Variants in CCDC88C observed in about 807,000 individuals in gnomAD.
CCDC88C encodes the protein protein Daple.
CCDC88C carries 131 observed loss-of-function variants against 198.8 expected under a neutral mutation model. That is an observed-to-expected ratio of 0.66 (90% CI 0.57 to 0.76). CCDC88C has a LOEUF of 0.76. Ranked by LOEUF, CCDC88C falls within the 30% of genes least tolerant of loss-of-function variation. The pLI, the probability that CCDC88C is intolerant of heterozygous loss-of-function variation, is 0.00. For synonymous variants in CCDC88C, 1,166 were observed against 1,114.7 expected (o/e 1.05, Z -0.92); for missense variants, 2,553 against 2,631.6 (o/e 0.97, Z 0.65).
intron 23 of CCDC88C, among the ~76,000 whole-genome samples, chr14:91,293,492 A>G (rs974512505): frequency 1.8e-4 from 9 of 49,950 alleles, no homozygotes; most frequent in African/African-American, 3.2e-4. Flanking sequence ...TCACCTTCCC[A>G]TCCTCACCTG....
Position 91,307,194 on chromosome 14 carries a change from G to A in CCDC88C, c.3039C>T (p.Asn1013=). 1 of 1,613,762 alleles carries A rather than the reference G, an allele frequency of 6.2e-7. No homozygotes were observed. The highest frequency in any genetic ancestry group is 8.5e-7 in the Non-Finnish European group (1 of 1,179,878). Reference sequence around the variant, plus strand: ...TCTGCAAGTGCTGCCCCTCTCCCTGGTTCTGCCTGAGGGTCTCACACTCCT... The same window carrying A: ...TCTGCAAGTGCTGCCCCTCTCCCTGATTCTGCCTGAGGGTCTCACACTCCT... The part of the protein sequence containing the change: ...LKKECETLRQ[N]QGEGQHLQNS... Residue 1013 remains asparagine, a synonymous_variant, in exon 18 of 30, where the codon AAC becomes AAT. Transcript: ENST00000389857.
intron 12 of CCDC88C, 64 bp from the exon 13 acceptor site, chr14:91,321,368 A>G: frequency 6.6e-7 from 1 of 1,505,664 alleles, no homozygotes; most frequent in Non-Finnish European, 9.0e-7. Flanking sequence ...CTCTGCCCCA[A>G]GCTCCGAGAT....
intron 2 of CCDC88C, among the ~76,000 whole-genome samples, chr14:91,414,642 A>C (rs1487196191): frequency 6.6e-6 from 1 of 152,178 alleles, no homozygotes; most frequent in East Asian, 1.9e-4. Flanking sequence ...CCCATGCAGG[A>C]AACCATGCCC....
intron 3 of CCDC88C, among the ~76,000 whole-genome samples, chr14:91,388,487 G>A (rs1334306182): frequency 6.6e-6 from 1 of 152,168 alleles, no homozygotes; most frequent in African/African-American, 2.4e-5. Context: ...CCAGGGCTAA[G>A]GTGTCTGCCA....
At chr14:91,322,648 C>A (rs1383591212) in intron 12 of CCDC88C, among the ~76,000 whole-genome samples, 1 of 152,178 alleles carries the variant, frequency 6.6e-6, no homozygotes, top group African/African-American at 2.4e-5. Flanking sequence ...TTTAAAATTA[C>A]AGAAAAATAT....
intron 3 of CCDC88C, among the ~76,000 whole-genome samples, chr14:91,382,602 G>A (rs1454311279): frequency 6.6e-6 from 1 of 152,178 alleles, no homozygotes; most frequent in Non-Finnish European, 1.5e-5. Flanking sequence ...ACCCAGAGAA[G>A]ACGGAGAAAT....
At chr14:91,385,859 G>A (rs1028547220) in intron 3 of CCDC88C, among the ~76,000 whole-genome samples, 1 of 152,032 alleles carries the variant, frequency 6.6e-6, no homozygotes, top group African/African-American at 2.4e-5. Context: ...TGGGGCACAG[G>A]GCTTGCTGCC....
chr14:91,375,335 G>A (rs1884337334), intron 3 of CCDC88C, among the ~76,000 whole-genome samples: 1 of 152,138 alleles, frequency 6.6e-6, no homozygotes, highest in African/African-American at 2.4e-5. Flanking sequence ...TAAAGGACTG[G>A]GACAGAAACA....
At chr14:91,375,103 G>T (rs1339700498) in intron 3 of CCDC88C, among the ~76,000 whole-genome samples, 2 of 152,210 alleles carry the variant, frequency 1.3e-5, no homozygotes, top group Non-Finnish European at 2.9e-5. Flanking sequence ...TACTCTTCGA[G>T]TCTCCTTCTT....
chr14:91,303,892 C>G lies in CCDC88C; in HGVS notation c.3444G>C (p.Thr1148=), dbSNP rs373650349. ...GCTGCCTCTGCAGGCTTTCGTTCTC[C>G]GTCTCCTTGGCCGTGTGGTGGTTCT... ...LLQNHHTAKE[T]ENESLQRQQE... is the part of the protein sequence containing the mutation. Residue 1148 remains threonine (T), a synonymous_variant, in exon 20 of 30, where the codon ACG becomes ACC. Coordinates refer to ENST00000389857, the MANE Select transcript of CCDC88C (RefSeq NM_001080414.4). 12 of 1,612,844 alleles carry G rather than the reference C, an allele frequency of 7.4e-6. No individual in the cohort carries two copies. The highest frequency in any genetic ancestry group is 4.2e-6 in the Non-Finnish European group (5 of 1,179,894).
intron 10 of CCDC88C, among the ~76,000 whole-genome samples, chr14:91,331,344 T>A (rs528431742): frequency 1.6e-3 from 243 of 152,262 alleles, no homozygotes; most frequent in African/African-American, 5.3e-3. Flanking sequence ...CTCCTGAAGA[T>A]GACTGAGACC....
intron 3 of CCDC88C, among the ~76,000 whole-genome samples, chr14:91,388,271 G>T (rs1885271774): frequency 6.6e-6 from 1 of 152,234 alleles, no homozygotes; most frequent in Non-Finnish European, 1.5e-5. Flanking sequence ...TCACACAGAA[G>T]TGAGCTCCAG....
In CCDC88C at chr14:91,371,088, T is replaced by C. The variant is rs17127292; in HGVS notation, c.271-11377A>G. ...GACCCTTTCCCCACAGGACAGCACC[T>C]GCAGCAGTTCTGGGCTGCCCTTTCC... On this transcript the variant is annotated intron_variant, in intron 3 of 29. Transcript: ENST00000389857. The surrounding 1 kb of genome is among the most constrained non-coding windows in gnomAD (Gnocchi z 4.2). Among the ~76,000 whole-genome samples, 9,248 of 152,196 alleles carry C rather than the reference T, an allele frequency of 0.061. 791 individuals are homozygous for C. Among genetic ancestry groups the C allele is most frequent in the African/African-American group, 0.19 (7,994 of 41,452 alleles).
chr14:91,390,025 T>C lies in CCDC88C; in HGVS notation c.270+18634A>G, dbSNP rs543750069. ...AGGCGGAGCTTGCAGTGAGCCGAGA[T>C]TGTGCCACTGCACTCCAGCCTGGGC... On this transcript the variant is annotated intron_variant, in intron 3 of 29. Transcript: ENST00000389857. 2.4e-4 allele frequency among the ~76,000 whole-genome samples: 37 copies of C among 151,858 alleles called. No homozygotes were observed. The East Asian group carries it at 6.2e-3, about 25-fold the overall frequency.
At chr14:91,311,403 G>A (rs914137185) in intron 15 of CCDC88C, among the ~76,000 whole-genome samples, 2 of 152,216 alleles carry the variant, frequency 1.3e-5, no homozygotes, top group Non-Finnish European at 2.9e-5. Flanking sequence ...TGTGTGGCAT[G>A]TGGCACCCTG....
intron 3 of CCDC88C, among the ~76,000 whole-genome samples, chr14:91,378,335 C>T (rs763956576): frequency 5.9e-5 from 9 of 152,190 alleles, no homozygotes; most frequent in Admixed American, 2.6e-4. Flanking sequence ...CCCCAGTGAA[C>T]GCCAGGCCAT....
At chr14:91,293,581 T>TCGCCTGCCACAGCTCACCTTCCTGC (rs1567055999) in intron 23 of CCDC88C, among the ~76,000 whole-genome samples, 5 of 27,946 alleles carry the variant, frequency 1.8e-4, no homozygotes, top group African/African-American at 2.8e-4. Flanking sequence ...CACCTTCCTG[T>TCGCCTGCCACAGCTCACCTTCCTGC]CCCCTCGCCT....
rs1257751639 is a variant in CCDC88C, at chr14:91,294,315, G to C, written c.3970C>G (p.Leu1324Val). 1 of 1,613,892 alleles carries C rather than the reference G, an allele frequency of 6.2e-7. No homozygotes were observed. Among genetic ancestry groups the C allele is most frequent in the Non-Finnish European group, 8.5e-7 (1 of 1,179,830 alleles). ...TCCAAGTTCCCCTTGAGACGGGAGA[G>C]CAGCTAGAACACAGACCAACAGCGT... Reference protein sequence around the residue: ...LTKLDNHCELLSRLKGNLEEE... With the variant: ...LTKLDNHCELVSRLKGNLEEE... Residue 1324 changes from leucine to valine, a missense_variant, in exon 23 of 30, where the codon CTC becomes GTC. Leu to Val is a conservative substitution (Grantham distance 32). Transcript: ENST00000389857.
chr14:91,398,984 C>G (rs958936035), intron 3 of CCDC88C, among the ~76,000 whole-genome samples: 1 of 152,194 alleles, frequency 6.6e-6, no homozygotes, highest in Non-Finnish European at 1.5e-5. Flanking sequence ...TCGGGCAGCC[C>G]TGTGTGCTGG....
Sources: allele counts gnomAD v4.1 joint callset (sites outside exome capture counted in the v4.1 genomes callset), GRCh38; gene constraint gnomAD v4.1.1; non-coding constraint Gnocchi (gnomAD v3.1); transcripts MANE v1.5; gene names NCBI Gene and HGNC (gene_info 2026-07-23, HGNC 2026-07-21).